Variants in DNM2 observed in about 807,000 individuals in gnomAD.
DNM2 encodes dynamin-2.
A neutral mutation model predicts 99.0 loss-of-function variants in DNM2; 15 were observed. That is an observed-to-expected ratio of 0.15 (90% confidence interval 0.10 to 0.23). The LOEUF is 0.23. DNM2 is among the 10% of genes least tolerant of loss of function. The pLI, the probability that DNM2 is intolerant of heterozygous loss-of-function variation, is 1.00. For synonymous variants in DNM2, 525 were observed against 481.2 expected (o/e 1.09, Z -1.19); for missense variants, 742 against 1,189.4 (o/e 0.62, Z 5.53).
rs2071933466 is a variant in DNM2, at chr19:10,796,363, T to C, written c.1196+924T>C. Among the ~76,000 whole-genome samples, 1 of 152,132 alleles carries C rather than the reference T, an allele frequency of 6.6e-6. No individual in the cohort carries two copies. Among genetic ancestry groups the C allele is most frequent in the Admixed American group, 6.5e-5 (1 of 15,284 alleles). On this transcript the variant is annotated intron_variant, in intron 9 of 20. Transcript: ENST00000389253. The surrounding 1 kb of genome is among the most constrained non-coding windows in gnomAD (Gnocchi z 5.6). The stretch of plus-strand genomic sequence containing the variant: ...CTCCCCAGAGGCTGGGGCAGGAGCA[T>C]GTAGGCCTGGGCCCAGGCACACAGG...
intron 1 of DNM2, among the ~76,000 whole-genome samples, chr19:10,720,222 T>TA (rs888689906): frequency 4.7e-5 from 7 of 150,474 alleles, no homozygotes; most frequent in African/African-American, 1.7e-4. Flanking sequence ...ATTTATTTTT[T>TA]TTTTTTTTGA....
intron 1 of DNM2, among the ~76,000 whole-genome samples, chr19:10,732,945 G>A (rs905930480): frequency 2.6e-5 from 4 of 151,392 alleles, no homozygotes; most frequent in Admixed American, 6.6e-5. Context: ...GTGCAATGGC[G>A]CGATCTCGGC....
rs370019989 is a variant in DNM2, at chr19:10,772,979, G to GTT, written c.385+368_385+369dup. Among the ~76,000 whole-genome samples the GTT allele has an allele frequency of 0.02, 2,537 of 123,882 alleles. 80 individuals are homozygous for GTT. Among genetic ancestry groups the GTT allele is most frequent in the African/African-American group, 0.054 (1,750 of 32,492 alleles). 81.3% of individuals were successfully genotyped at this position (123,882 alleles called of 152,430 possible). A position where few individuals can be genotyped will look rare whatever the true frequency, so the allele number is the denominator to read the frequency against. ...ACCAGTCTTCTGTAAAATATCCTGG[G>GTT]TTTTTTTTTTTTTTTTTTGAGACAG... On this transcript the variant is annotated intron_variant, in intron 3 of 20. Coordinates refer to ENST00000389253, the MANE Select transcript of DNM2 (RefSeq NM_001005361.3). This position sits in a 1 kb window ranked among gnomAD's most constrained non-coding sequence, Gnocchi z 4.9.
In DNM2 at chr19:10,799,448, T is replaced by C. The variant is rs938046372; in HGVS notation, c.1422+876T>C. ...GTTTGCTGCCTTGATTACTAAGCAA[T>C]CTTCCAGGGAATGGATGGAGCACAG... On this transcript the variant is annotated intron_variant, in intron 11 of 20. Transcript: ENST00000389253. Among the ~76,000 whole-genome samples the C allele has an allele frequency of 3.4e-4, 50 of 147,366 alleles. 1 individual carries two copies. The highest frequency in any genetic ancestry group is 1.2e-4 in the Non-Finnish European group (8 of 66,746).
chr19:10,720,805 T>C (rs1009526699), intron 1 of DNM2, among the ~76,000 whole-genome samples: 3 of 152,146 alleles, frequency 2.0e-5, no homozygotes, highest in Non-Finnish European at 4.4e-5. Context: ...GATGGGGCTA[T>C]TGTTGTTTAT....
chr19:10,761,443 C>T (rs1341347414), intron 2 of DNM2, among the ~76,000 whole-genome samples: 1 of 152,084 alleles, frequency 6.6e-6, no homozygotes, highest in Non-Finnish European at 1.5e-5. Context: ...GCGTATATCC[C>T]AGCTGGAAAC....
In DNM2 at chr19:10,816,088, G is replaced by A. The variant is rs1366201924; in HGVS notation, c.1671+3711G>A. Reference sequence around the variant, plus strand: ...GTCACCCCCATCTAAGGCTCTGAGCGGTGACTTGCCCCACATCATGGAGCG... The same window carrying A: ...GTCACCCCCATCTAAGGCTCTGAGCAGTGACTTGCCCCACATCATGGAGCG... On this transcript the variant is annotated intron_variant, in intron 15 of 20. Coordinates refer to ENST00000389253, the MANE Select transcript of DNM2 (RefSeq NM_001005361.3). The surrounding 1 kb of genome is among the most constrained non-coding windows in gnomAD (Gnocchi z 4.6). 1.3e-5 allele frequency among the ~76,000 whole-genome samples: 2 copies of A among 152,118 alleles called. No individual in the cohort carries two copies. The highest frequency in any genetic ancestry group is 1.5e-5 in the Non-Finnish European group (1 of 67,998).
At chr19:10,747,836 G>A (rs545336731) in intron 1 of DNM2, among the ~76,000 whole-genome samples, 4 of 152,118 alleles carry the variant, frequency 2.6e-5, no homozygotes, top group Non-Finnish European at 2.9e-5. Flanking sequence ...GCGGGTTGAT[G>A]TGTGAAAGAA....
At chr19:10,735,469 C>T (rs1241372276) in intron 1 of DNM2, among the ~76,000 whole-genome samples, 1 of 152,124 alleles carries the variant, frequency 6.6e-6, no homozygotes, top group Non-Finnish European at 1.5e-5. Flanking sequence ...TGGAAAGTTA[C>T]TAGTTTTCTT....
chr19:10,801,605 C>CAAAAAA (rs34520425), intron 11 of DNM2, among the ~76,000 whole-genome samples: 1 of 56,592 alleles, frequency 1.8e-5, no homozygotes, highest in African/African-American at 6.0e-5. Flanking sequence ...GTTCTTTTCT[C>CAAAAAA]AAAAAAAAAA....
At chr19:10,823,661 G>A (rs934452805) in intron 16 of DNM2, 127 bp from the exon 17 acceptor site, 9 of 860,528 alleles carry the variant, frequency 1.0e-5, no homozygotes, top group African/African-American at 1.7e-5. Flanking sequence ...AGCATGACCA[G>A]GTGAAGCCTG....
chr19:10,728,215 C>A (rs148566356), intron 1 of DNM2, among the ~76,000 whole-genome samples: 1 of 152,178 alleles, frequency 6.6e-6, no homozygotes, highest in Non-Finnish European at 1.5e-5. Flanking sequence ...GGAGAATCAC[C>A]GTGTGCCACA....
chr19:10,814,730 T>G (rs1599607534), intron 15 of DNM2, among the ~76,000 whole-genome samples: 1 of 152,326 alleles, frequency 6.6e-6, no homozygotes, highest in East Asian at 1.9e-4. Flanking sequence ...AGATCTGTCT[T>G]TTTGTGCCTG....
intron 11 of DNM2, among the ~76,000 whole-genome samples, chr19:10,800,567 C>T (rs770832222): frequency 6.6e-6 from 1 of 152,250 alleles, no homozygotes; most frequent in Non-Finnish European, 1.5e-5. Context: ...ACGCTCGCTC[C>T]CACAGATGGA....
intron 2 of DNM2, chr19:10,768,556 G>A (rs2070874494): frequency 6.6e-6 from 1 of 152,352 alleles, no homozygotes; most frequent in Non-Finnish European, 1.5e-5. Flanking sequence ...GTGCTCCAAA[G>A]TCTGGCATGT....
In DNM2 at chr19:10,765,541, G is replaced by C. The variant is rs187413135; in HGVS notation, c.235+5730G>C. On this transcript the variant is annotated intron_variant, in intron 2 of 20. Transcript: ENST00000389253. This position sits in a 1 kb window ranked among gnomAD's most constrained non-coding sequence, Gnocchi z 4.4. The stretch of plus-strand genomic sequence containing the variant: ...CAAGCTGGCGTGCGTCAGGCTGTGG[G>C]CTGGCTGGGATGCCTGCCCAGGCTG... Among the ~76,000 whole-genome samples the C allele has an allele frequency of 5.9e-5, 9 of 152,344 alleles. No homozygotes were observed. In the East Asian group the frequency reaches 1.7e-3, roughly 29 times the overall value.
intron 11 of DNM2, among the ~76,000 whole-genome samples, chr19:10,799,534 GTTT>G (rs897961120): frequency 1.0e-4 from 11 of 106,510 alleles, no homozygotes; most frequent in African/African-American, 3.7e-4. Flanking sequence ...GTGGTTTTTT[GTTT>G]TTTTTTTTTT....
At position 10,830,277 on chromosome 19, in the gene DNM2, A is replaced by G; in HGVS notation, c.2442A>G (p.Gly814=). ...CGCCCCCAATCCCATCCCGGCCTGGACCCCAGAGCGTGTTTGCCAACAGTG... is the reference window on the plus strand; with the variant it reads ...CGCCCCCAATCCCATCCCGGCCTGGGCCCCAGAGCGTGTTTGCCAACAGTG... ...FSAPPIPSRP[G]PQSVFANSDL... Residue 814 remains glycine (G), a synonymous_variant, in exon 20 of 21, where the codon GGA becomes GGG. Coordinates refer to ENST00000389253, the MANE Select transcript of DNM2 (RefSeq NM_001005361.3). This position sits in a 1 kb window ranked among gnomAD's most constrained non-coding sequence, Gnocchi z 4.8. 1 of 1,613,348 alleles carries G rather than the reference A, an allele frequency of 6.2e-7. No individual in the cohort carries two copies. Among genetic ancestry groups the G allele is most frequent in the Non-Finnish European group, 8.5e-7 (1 of 1,179,812 alleles).
intron 1 of DNM2, among the ~76,000 whole-genome samples, chr19:10,746,012 G>A (rs2069953147): frequency 6.6e-6 from 1 of 152,198 alleles, no homozygotes; most frequent in African/African-American, 2.4e-5. Context: ...ATGCTGGAGT[G>A]CAGTGGCATG....
Sources: allele counts gnomAD v4.1 joint callset (sites outside exome capture counted in the v4.1 genomes callset), GRCh38; gene constraint gnomAD v4.1.1; non-coding constraint Gnocchi (gnomAD v3.1); transcripts MANE v1.5; gene names NCBI Gene and HGNC (gene_info 2026-07-23, HGNC 2026-07-21).